The following TMLHE variants were observed in gnomAD, a reference collection of about 807,000 sequenced individuals.
TMLHE encodes the protein trimethyllysine hydroxylase, epsilon, also known as trimethyllysine dioxygenase, mitochondrial.
A neutral mutation model predicts 25.7 loss-of-function variants in TMLHE; 18 were observed. The observed-to-expected ratio is 0.70, with a 90% CI of 0.48 to 1.04. The LOEUF (loss-of-function observed/expected upper bound fraction) is 1.04. TMLHE is among the 50% of genes least tolerant of loss of function. The pLI is 0.00. For synonymous variants in TMLHE, 105 were observed against 97.0 expected (o/e 1.08, Z -0.49); for missense variants, 236 against 259.0 (o/e 0.91, Z 0.61).
At chrX:155,560,225 C>T (rs1049402550) in intron 1 of TMLHE, among the ~76,000 whole-genome samples, 13 of 111,165 alleles carry the variant, frequency 1.2e-4, no homozygotes, top group Admixed American at 1.2e-3. Context: ...CTTCATTCTT[C>T]CTGCTCGTTC....
intron 1 of TMLHE, among the ~76,000 whole-genome samples, chrX:155,589,092 T>C (rs1290727832): frequency 3.6e-5 from 4 of 112,207 alleles, no homozygotes; most frequent in South Asian, 7.4e-4. Context: ...TAAGTGTCTA[T>C]TGAAGAATAG....
intron 1 of TMLHE, among the ~76,000 whole-genome samples, chrX:155,577,831 C>A (rs782557503): frequency 1.8e-5 from 2 of 111,446 alleles, no homozygotes; most frequent in Admixed American, 1.9e-4. Flanking sequence ...AGAGATCAGG[C>A]ACTTTCACAC....
chrX:155,513,604 G>GT (rs1557334139), intron 4 of TMLHE, among the ~76,000 whole-genome samples: 4 of 110,127 alleles, frequency 3.6e-5, no homozygotes, highest in Non-Finnish European at 7.6e-5. Context: ...GGGGTCGAGG[G>GT]GGTGTGTGTG....
chrX:155,586,120 G>A (rs782799261), intron 1 of TMLHE, among the ~76,000 whole-genome samples: 4 of 109,428 alleles, frequency 3.7e-5, no homozygotes, highest in Non-Finnish European at 5.7e-5. Context: ...CCAGCTACTC[G>A]GGAGCCTGAG....
chrX:155,548,217 C>A (rs961855474), intron 1 of TMLHE, among the ~76,000 whole-genome samples: 4 of 111,916 alleles, frequency 3.6e-5, no homozygotes, highest in African/African-American at 1.3e-4. Context: ...TTCAAAAGCA[C>A]AGGCAAGCTA....
At chrX:155,535,766 G>T (rs2067275482) in intron 2 of TMLHE, among the ~76,000 whole-genome samples, 1 of 111,724 alleles carries the variant, frequency 9.0e-6, no homozygotes, top group Admixed American at 9.5e-5. Flanking sequence ...ACATCAGTCA[G>T]AATACTCTTT....
chrX:155,547,952 A>G (rs181548416), intron 1 of TMLHE, among the ~76,000 whole-genome samples: 33 of 111,272 alleles, frequency 3.0e-4, no homozygotes, highest in African/African-American at 9.8e-4. Context: ...GGTAGAAAAC[A>G]AAGTCTCTCC....
Position 155,534,204 on chromosome X carries a change from C to T in TMLHE, c.182-9572G>A, listed in dbSNP as rs782720312. Among the ~76,000 whole-genome samples, 11 of 111,746 alleles carry T rather than the reference C, an allele frequency of 9.8e-5. No homozygotes were observed. The East Asian group carries it at 2.8e-3, about 29-fold the overall frequency. On this transcript the variant is annotated intron_variant, in intron 2 of 7. Coordinates refer to ENST00000334398, the MANE Select transcript of TMLHE (RefSeq NM_018196.4). ...TCCTCAAAAAAAGGGAAGAGTGAGG[C>T]TAAAGGCAATTTAGAGATCATCGGG...
intron 1 of TMLHE, among the ~76,000 whole-genome samples, chrX:155,596,174 C>G (rs2067719235): frequency 1.8e-5 from 2 of 111,988 alleles, no homozygotes; most frequent in African/African-American, 3.2e-5. Flanking sequence ...AACTGCTAAT[C>G]TCCGAGCTTT....
At chrX:155,591,977 A>G (rs935107403) in intron 1 of TMLHE, among the ~76,000 whole-genome samples, 6 of 111,995 alleles carry the variant, frequency 5.4e-5, no homozygotes, top group Non-Finnish European at 1.1e-4. Flanking sequence ...GTGTAAAGAA[A>G]ATGTGGTATG....
At chrX:155,504,786 A>G (rs1366277473) in intron 6 of TMLHE, among the ~76,000 whole-genome samples, 1 of 111,596 alleles carries the variant, frequency 9.0e-6, no homozygotes, top group Non-Finnish European at 1.9e-5. Flanking sequence ...GAAAGAGTCC[A>G]GATGTGTATT....
chrX:155,541,765 A>G (rs781949708), intron 2 of TMLHE, among the ~76,000 whole-genome samples: 24 of 111,518 alleles, frequency 2.2e-4, no homozygotes, highest in Non-Finnish European at 3.8e-4. Flanking sequence ...ATATCTCATT[A>G]TGGTTTTGAT....
rs1286474596 is a variant in TMLHE at position 155,565,764 on chromosome X, GT to G, written c.-1-20488del. On this transcript the variant is annotated intron_variant, in intron 1 of 7. Coordinates refer to ENST00000334398, the MANE Select transcript of TMLHE (RefSeq NM_018196.4). ...TGAAATCTATTGACTCTACTGCTAG[GT>G]GGAAGAGGTGCCTCGATACTCTGGA... Among the ~76,000 whole-genome samples the G allele has an allele frequency of 1.3e-4, 8 of 62,218 alleles. 2 individuals are homozygous for G. The highest frequency in any genetic ancestry group is 2.9e-4 in the African/African-American group (8 of 28,019). 54.0% of individuals were successfully genotyped at this position (62,218 alleles called of 115,157 possible).
At chrX:155,582,325 G>A (rs782169612) in intron 1 of TMLHE, among the ~76,000 whole-genome samples, 2 of 111,892 alleles carry the variant, frequency 1.8e-5, no homozygotes, top group Non-Finnish European at 3.8e-5. Context: ...CTGACAAATG[G>A]ATCTAATTAA....
At chrX:155,602,729 A>T (rs1035409704) in intron 1 of TMLHE, among the ~76,000 whole-genome samples, 1 of 111,670 alleles carries the variant, frequency 9.0e-6, no homozygotes. Context: ...ATTCTACTCA[A>T]CAAAGTCACA....
At chrX:155,556,238 CAGAAA>C (rs1569562140) in intron 1 of TMLHE, among the ~76,000 whole-genome samples, 2 of 110,911 alleles carry the variant, frequency 1.8e-5, no homozygotes, top group Admixed American at 9.4e-5. Context: ...TTCAGCCAAC[CAGAAA>C]GGAATGTAGC....
rs1557338590 is a variant in TMLHE at position 155,545,257 on chromosome X, G to A, written c.20C>T (p.Ser7Phe). The change falls in exon 2 of 8, where the codon TCC becomes TTC. Residue 7 changes from serine (S) to phenylalanine (F), a missense_variant. Ser to Phe is a radical substitution (Grantham distance 155). This residue lies in a region of TMLHE where 217 missense variants were observed against 214.6 expected (regional missense o/e 1.01). Coordinates refer to ENST00000334398, the MANE Select transcript of TMLHE (RefSeq NM_018196.4). MWYHRLSHLHSRLQDLL... is the reference protein window; with the variant it reads MWYHRLFHLHSRLQDLL... ...GTCCTGAAGCCTGCTGTGTAGGTGG[G>A]ACAATCTGTGGTACCACATCCTAGA... The A allele has an allele frequency of 8.4e-7, 1 of 1,195,344 alleles. No individual in the cohort carries two copies. The highest frequency in any genetic ancestry group is 2.4e-5 in the Admixed American group (1 of 42,071).
chrX:155,541,321 T>C (rs2067310149), intron 2 of TMLHE, among the ~76,000 whole-genome samples: 1 of 111,364 alleles, frequency 9.0e-6, no homozygotes, highest in Admixed American at 9.6e-5. Flanking sequence ...TTGTGTTAGT[T>C]TGCTGAGAAT....
At chrX:155,586,117 C>T (rs959092155) in intron 1 of TMLHE, among the ~76,000 whole-genome samples, 3 of 109,511 alleles carry the variant, frequency 2.7e-5, no homozygotes, top group Non-Finnish European at 3.8e-5. Context: ...ATCCCAGCTA[C>T]TCGGGAGCCT....
Sources: gnomAD v4.1 joint callset for allele counts (sites outside exome capture counted in the v4.1 genomes callset) on GRCh38, gnomAD v4.1.1 for gene constraint, gnomAD v4.1.1 regional missense constraint, MANE v1.5 for transcripts, NCBI Gene and HGNC (gene_info 2026-07-23, HGNC 2026-07-21) for gene names.